The following DIXDC1 variants were observed in gnomAD, a reference collection of about 807,000 sequenced individuals.
The protein encoded by DIXDC1 is dixin.
A neutral mutation model predicts 103.1 loss-of-function variants in DIXDC1; 64 were observed. The observed-to-expected ratio is 0.62, with a 90% CI of 0.51 to 0.76. The LOEUF (loss-of-function observed/expected upper bound fraction) is 0.76. Among genes scored for constraint, DIXDC1 ranks in the 30% least tolerant of loss-of-function variants. The probability of loss-of-function intolerance (pLI) is 0.00; values close to 1 mark genes in which losing one functional copy is unlikely to be tolerated. For missense variants in DIXDC1, 759 were observed against 834.2 expected, an observed-to-expected ratio of 0.91 and a Z score of 1.11; for synonymous variants, 266 against 298.5, an observed-to-expected ratio of 0.89 and a Z score of 1.12.
At chr11:112,013,500 C>T (rs781387979) in intron 17 of DIXDC1, among the ~76,000 whole-genome samples, 31 of 152,018 alleles carry the variant, frequency 2.0e-4, no homozygotes, top group Admixed American at 7.9e-4. Context: ...ATAAGGCACC[C>T]TATAAACATT....
intron 8 of DIXDC1, among the ~76,000 whole-genome samples, chr11:111,986,546 G>T (rs1555173859): frequency 6.6e-6 from 1 of 151,784 alleles, no homozygotes; most frequent in African/African-American, 2.4e-5. Flanking sequence ...TGTGTTTTTA[G>T]TAGAGATGGG....
At position 111,996,123 on chromosome 11, in the gene DIXDC1, G is replaced by A. The variant is rs370924870; in HGVS notation, c.1733G>A (p.Arg578Gln). ...AGAACTCAAGTAGGTAGTGAATACC[G>A]GGAGTCCTGGCCCCCTAACTCAAGT... ...SPRTQVGSEY[R>Q]ESWPPNSKLP... is the part of the protein sequence containing the mutation. Residue 578 changes from arginine (R) to glutamine (Q), a missense_variant, in exon 17 of 20, where the codon CGG (arginine) becomes CAG (glutamine). Physicochemically the swap from Arg to Gln is conservative, Grantham distance 43. Coordinates refer to ENST00000440460, the MANE Select transcript of DIXDC1 (RefSeq NM_001037954.4). 5.0e-5 allele frequency: 80 copies of A among 1,613,456 alleles called. No individual in the cohort carries two copies. Among genetic ancestry groups the A allele is most frequent in the Non-Finnish European group, 6.3e-5 (74 of 1,179,754 alleles).
At chr11:111,962,573 A>C (rs1222067927) in intron 1 of DIXDC1, among the ~76,000 whole-genome samples, 1 of 152,048 alleles carries the variant, frequency 6.6e-6, no homozygotes, top group Non-Finnish European at 1.5e-5. Context: ...AGATGAGCTG[A>C]AGCATGGTGG....
intron 1 of DIXDC1, among the ~76,000 whole-genome samples, chr11:111,955,907 AATAT>A (rs1859341778): frequency 6.6e-6 from 1 of 151,486 alleles, no homozygotes; most frequent in Non-Finnish European, 1.5e-5. Flanking sequence ...CATTATTCAC[AATAT>A]CCAGGAGGTG....
At chr11:111,966,396 T>TA (rs1325599430) in intron 2 of DIXDC1, among the ~76,000 whole-genome samples, 238 of 134,132 alleles carry the variant, frequency 1.8e-3, no homozygotes, top group African/African-American at 7.4e-3. Context: ...CTAATTTTTG[T>TA]ATTTTTTTTT....
intron 17 of DIXDC1, among the ~76,000 whole-genome samples, chr11:112,013,180 C>A (rs1161933508): frequency 6.6e-6 from 1 of 151,950 alleles, no homozygotes; most frequent in Non-Finnish European, 1.5e-5. Context: ...TCTGGTATCT[C>A]TTATAAGGAC....
upstream of DIXDC1, among the ~76,000 whole-genome samples, chr11:111,933,347 C>T (rs1442235165): frequency 1.3e-5 from 2 of 152,138 alleles, no homozygotes; most frequent in East Asian, 1.9e-4. Context: ...AGGCTGGTCT[C>T]GGACTCCTGA....
rs782320265 is a variant in DIXDC1, at chr11:111,964,683, G to T, written c.190+5G>T. The T allele has an allele frequency of 2.5e-6, 4 of 1,600,480 alleles. No individual in the cohort carries two copies. Among genetic ancestry groups the T allele is most frequent in the Non-Finnish European group, 3.4e-6 (4 of 1,173,814 alleles). ...CATATCTCATCGAGATTGTTGGTCA[G>T]TTGGCCCTGGACTCTGATACTAGAG... On this transcript the variant is annotated splice_donor_5th_base_variant and intron_variant, in intron 2 of 19. Coordinates refer to ENST00000440460, the MANE Select transcript of DIXDC1 (RefSeq NM_001037954.4).
Position 111,998,587 on chromosome 11 carries a change from A to G in DIXDC1, c.1756+2441A>G, listed in dbSNP as rs1037850487. ...GAGACAGAGTCTCGCTCTGTTGCCC[A>G]GGCTGGAGTGCAATGGCGTGATCTC... On this transcript the variant is annotated intron_variant, in intron 17 of 19. Transcript: ENST00000440460. This position sits in a 1 kb window ranked among gnomAD's most constrained non-coding sequence, Gnocchi z 4.1. Among the ~76,000 whole-genome samples the G allele has an allele frequency of 1.3e-5, 2 of 152,174 alleles. No homozygotes were observed. The highest frequency in any genetic ancestry group is 2.4e-5 in the African/African-American group (1 of 41,430).
chr11:112,021,905 C>T lies in DIXDC1; in HGVS notation c.*2869C>T, dbSNP rs1861772102. 1 of 149,352 alleles carries T rather than the reference C, an allele frequency of 6.7e-6. No homozygotes were observed. Among genetic ancestry groups the T allele is most frequent in the African/African-American group, 2.5e-5 (1 of 40,394 alleles). The allele number at this position is 149,352 out of a possible 1,614,324, so 9.3% of individuals were successfully genotyped here. A position where few individuals can be genotyped will look rare whatever the true frequency, so the allele number is the denominator to read the frequency against. ...TTGAGGTGGGAAGATTGCTTGAGCC[C>T]AGGAGTTTGAGGTTGCAGTGAGCTG... On this transcript the variant is annotated 3_prime_UTR_variant, in exon 20 of 20. Transcript: ENST00000440460.
intron 1 of DIXDC1, among the ~76,000 whole-genome samples, chr11:111,960,727 C>T (rs1462890274): frequency 6.6e-6 from 1 of 152,068 alleles, no homozygotes; most frequent in African/African-American, 2.4e-5. Flanking sequence ...TACCTTGGTC[C>T]CACTCTCAGA....
chr11:111,996,182 C>T, intron 17 of DIXDC1, 36 bp downstream of exon 17: 1 of 1,550,252 alleles, frequency 6.5e-7, no homozygotes, highest in Non-Finnish European at 8.8e-7. Flanking sequence ...GGACTCCTAG[C>T]ATATTAGACC....
At chr11:111,984,702 A>G (rs1860432586) in intron 7 of DIXDC1, among the ~76,000 whole-genome samples, 1 of 152,220 alleles carries the variant, frequency 6.6e-6, no homozygotes. Flanking sequence ...AGCTGAAATG[A>G]ATGAGGACAT....
chr11:111,964,400 C>G, intron 1 of DIXDC1, 149 bp from the exon 2 acceptor site: 4 of 804,668 alleles, frequency 5.0e-6, no homozygotes, highest in Non-Finnish European at 7.7e-6. Context: ...ATGATATAAT[C>G]TTTCTTCTCT....
At chr11:111,937,691 G>T in intron 1 of DIXDC1, 132 bp downstream of exon 1, 1 of 874,678 alleles carries the variant, frequency 1.1e-6, no homozygotes, top group Non-Finnish European at 1.8e-6. Flanking sequence ...CCCCAAAGGG[G>T]CTAAGGTGGT....
chr11:111,952,742 C>T (rs782136976), intron 1 of DIXDC1, among the ~76,000 whole-genome samples: 1 of 151,788 alleles, frequency 6.6e-6, no homozygotes, highest in Non-Finnish European at 1.5e-5. Flanking sequence ...ATTGCTTGAA[C>T]CCAGGAGGCG....
At position 111,942,414 on chromosome 11, in the gene DIXDC1, C is replaced by T. The variant is rs994578982; in HGVS notation, c.60+4855C>T. On this transcript the variant is annotated intron_variant, in intron 1 of 19. Coordinates refer to ENST00000440460, the MANE Select transcript of DIXDC1 (RefSeq NM_001037954.4). The stretch of plus-strand genomic sequence containing the variant: ...ACCAAAGGCTAAAACTGACACTTTC[C>T]TGAATGCATTTTCTTGTTTGTTATT... Among the ~76,000 whole-genome samples the T allele has an allele frequency of 2.6e-5, 4 of 152,348 alleles. No homozygotes were observed. The East Asian group carries it at 7.7e-4, about 29-fold the overall frequency.
chr11:111,949,077 G>T (rs1327771642), intron 1 of DIXDC1, among the ~76,000 whole-genome samples: 3 of 152,058 alleles, frequency 2.0e-5, no homozygotes, highest in Admixed American at 6.6e-5. Context: ...ATATTTCCTC[G>T]CAGGGTCAAT....
rs1193812125 is a variant in DIXDC1, at chr11:112,017,010, C to A, written c.1862+214C>A. 6.6e-6 allele frequency among the ~76,000 whole-genome samples: 1 copy of A among 151,768 alleles called. No homozygotes were observed. The highest frequency in any genetic ancestry group is 1.5e-5 in the Non-Finnish European group (1 of 67,960). On this transcript the variant is annotated intron_variant, in intron 18 of 19. Coordinates refer to ENST00000440460, the MANE Select transcript of DIXDC1 (RefSeq NM_001037954.4). This position sits in a 1 kb window ranked among gnomAD's most constrained non-coding sequence, Gnocchi z 4.0. Reference sequence around the variant, plus strand: ...ACAAGTCATGATCTACTACTAGATACAGGTACAATAATAGTACTTCCAATC... The same window carrying A: ...ACAAGTCATGATCTACTACTAGATAAAGGTACAATAATAGTACTTCCAATC...
Sources: gnomAD v4.1 joint callset for allele counts (sites outside exome capture counted in the v4.1 genomes callset) on GRCh38, gnomAD v4.1.1 for gene constraint, Gnocchi (gnomAD v3.1) non-coding constraint, MANE v1.5 for transcripts, NCBI Gene and HGNC (gene_info 2026-07-23, HGNC 2026-07-21) for gene names.